Variants in FAM174B observed in about 807,000 individuals in gnomAD.
The protein encoded by FAM174B is membrane protein FAM174B.
A neutral mutation model predicts 10.9 loss-of-function variants in FAM174B; 12 were observed. The observed-to-expected ratio is 1.10, with a 90% CI of 0.71 to 1.79. The LOEUF (loss-of-function observed/expected upper bound fraction) is 1.79, where lower values mean the gene tolerates loss of function less well. Among genes scored for constraint, FAM174B ranks in the 40% most tolerant of loss-of-function variants. The probability of loss-of-function intolerance (pLI) is 0.00; values close to 1 mark genes in which losing one functional copy is unlikely to be tolerated. For missense variants in FAM174B, 266 were observed against 233.3 expected (o/e 1.14, Z -0.91); for synonymous variants, 132 against 115.8 (o/e 1.14, Z -0.90).
chr15:92,624,682 G>A (rs1251788075), intron 2 of FAM174B, among the ~76,000 whole-genome samples: 1 of 152,238 alleles, frequency 6.6e-6, no homozygotes, highest in African/African-American at 2.4e-5. Context: ...CTACCCACAA[G>A]AGGGTGGGAA....
intron 1 of FAM174B, among the ~76,000 whole-genome samples, chr15:92,633,161 C>T (rs148914049): frequency 4.0e-4 from 61 of 152,320 alleles, no homozygotes; most frequent in African/African-American, 1.4e-3. Context: ...GTTCCCTACA[C>T]ATTCTTCTTG....
At chr15:92,650,239 G>A (rs1040823983) in intron 1 of FAM174B, among the ~76,000 whole-genome samples, 1 of 152,228 alleles carries the variant, frequency 6.6e-6, no homozygotes, top group Middle Eastern at 3.4e-3. Flanking sequence ...GAAAGTTCTC[G>A]TTCCTTTTCA....
intron 1 of FAM174B, among the ~76,000 whole-genome samples, chr15:92,649,315 C>T (rs1039784861): frequency 6.6e-6 from 1 of 152,158 alleles, no homozygotes; most frequent in East Asian, 1.9e-4. Flanking sequence ...AGTCATGAGG[C>T]GCCTCCTTCA....
chr15:92,617,959 C>T lies in FAM174B; in HGVS notation c.*1497G>A, dbSNP rs934468970. On this transcript the variant is annotated 3_prime_UTR_variant, in exon 3 of 3. Transcript: ENST00000327355. ...CGGGCTCTGCTCTTTCCTGCAGAGG[C>T]GAAACTGCCTTCCTGGCAGGCGGAG... 8.2e-6 allele frequency: 3 copies of T among 367,138 alleles called. No homozygotes were observed. Among genetic ancestry groups the T allele is most frequent in the African/African-American group, 2.1e-5 (1 of 47,950 alleles). 22.7% of individuals were successfully genotyped at this position (367,138 alleles called of 1,614,324 possible). A position where few individuals can be genotyped will look rare whatever the true frequency, so the allele number is the denominator to read the frequency against.
In FAM174B at chr15:92,619,225, G is replaced by A. The variant is rs1204653814; in HGVS notation, c.*231C>T. 5 of 704,602 alleles carry A rather than the reference G, an allele frequency of 7.1e-6. No individual in the cohort carries two copies. The South Asian group carries it at 7.4e-5, about 10-fold the overall frequency. 43.6% of individuals were successfully genotyped at this position (704,602 alleles called of 1,614,324 possible). A position where few individuals can be genotyped will look rare whatever the true frequency, so the allele number is the denominator to read the frequency against. ...AGTAGAAGTAGGGGGCACTTTAAAG[G>A]GATGCCCAAAGGGTGGCAGAAGCAA... On this transcript the variant is annotated 3_prime_UTR_variant, in exon 3 of 3. Transcript: ENST00000327355.
intron 1 of FAM174B, among the ~76,000 whole-genome samples, chr15:92,630,687 T>C (rs2050787240): frequency 6.9e-6 from 1 of 144,718 alleles, no homozygotes; most frequent in South Asian, 2.1e-4. Flanking sequence ...ATGCAATATA[T>C]ATTTTATATA....
At chr15:92,634,110 T>G (rs2050837404) in intron 1 of FAM174B, among the ~76,000 whole-genome samples, 1 of 152,216 alleles carries the variant, frequency 6.6e-6, no homozygotes, top group Non-Finnish European at 1.5e-5. Context: ...GCTGTCCATT[T>G]CTGACACACA....
intron 1 of FAM174B, among the ~76,000 whole-genome samples, chr15:92,643,167 C>G (rs558286411): frequency 1.3e-5 from 2 of 150,888 alleles, no homozygotes; most frequent in East Asian, 3.9e-4. Flanking sequence ...TGGGGTCTGG[C>G]TATGTTGACC....
chr15:92,627,954 T>C (rs574290340), intron 2 of FAM174B, among the ~76,000 whole-genome samples: 138 of 152,282 alleles, frequency 9.1e-4, no homozygotes, highest in African/African-American at 3.2e-3. Flanking sequence ...CCTCAGAGAA[T>C]TGGTTCCAAG....
At chr15:92,623,229 G>A (rs943643336) in intron 2 of FAM174B, among the ~76,000 whole-genome samples, 14 of 151,962 alleles carry the variant, frequency 9.2e-5, no homozygotes, top group Non-Finnish European at 1.6e-4. Flanking sequence ...CGAGGGCAGG[G>A]CCAGGCTTAC....
In FAM174B at chr15:92,617,888, C is replaced by G. The variant is rs1468367957; in HGVS notation, c.*1568G>C. The G allele has an allele frequency of 2.2e-6, 1 of 452,618 alleles. No individual in the cohort carries two copies. Among genetic ancestry groups the G allele is most frequent in the Non-Finnish European group, 3.9e-6 (1 of 258,578 alleles). 28.0% of individuals were successfully genotyped at this position (452,618 alleles called of 1,614,324 possible). On this transcript the variant is annotated 3_prime_UTR_variant, in exon 3 of 3. Coordinates refer to ENST00000327355, the MANE Select transcript of FAM174B (RefSeq NM_207446.3). ...CGCAGGCCCCCCGTGGCTGGCAATA[C>G]CATGCGTGCTGGGCCGGCTGCGCCA...
chr15:92,632,276 G>A (rs1331187582), intron 1 of FAM174B, among the ~76,000 whole-genome samples: 1 of 152,170 alleles, frequency 6.6e-6, no homozygotes, highest in Non-Finnish European at 1.5e-5. Context: ...CGGGTGCGGT[G>A]GCTCACGCCT....
At chr15:92,626,139 A>ACGGAGTCTCGCTGTTTCAC (rs373252541) in intron 2 of FAM174B, among the ~76,000 whole-genome samples, 1 of 137,398 alleles carries the variant, frequency 7.3e-6, no homozygotes. Flanking sequence ...TTTTTTTGAG[A>ACGGAGTCTCGCTGTTTCAC]CCAGGCCGGA....
chr15:92,639,714 G>C (rs1332385250), intron 1 of FAM174B, among the ~76,000 whole-genome samples: 1 of 152,058 alleles, frequency 6.6e-6, no homozygotes, highest in Non-Finnish European at 1.5e-5. Context: ...GAGTGGGTGA[G>C]TGCCTGAGAG....
chr15:92,618,352 A>T lies in FAM174B; in HGVS notation c.*1104T>A, dbSNP rs994691869. On this transcript the variant is annotated 3_prime_UTR_variant, in exon 3 of 3. Transcript: ENST00000327355. Reference sequence around the variant, plus strand: ...CCCTGTCTCCAGAAGCCAGCAGCAGATCCCTGGGTCATGTCACAGGCAAGT... The same window carrying T: ...CCCTGTCTCCAGAAGCCAGCAGCAGTTCCCTGGGTCATGTCACAGGCAAGT... 4 of 152,636 alleles carry T rather than the reference A, an allele frequency of 2.6e-5. No homozygotes were observed. The highest frequency in any genetic ancestry group is 4.4e-5 in the Non-Finnish European group (3 of 68,276). The allele number at this position is 152,636 out of a possible 1,614,324, so 9.5% of individuals were successfully genotyped here. A position where few individuals can be genotyped will look rare whatever the true frequency, so the allele number is the denominator to read the frequency against.
In FAM174B at chr15:92,617,999, A is replaced by G. The variant is rs1251661034; in HGVS notation, c.*1457T>C. 1 of 320,762 alleles carries G rather than the reference A, an allele frequency of 3.1e-6. No individual in the cohort carries two copies. The highest frequency in any genetic ancestry group is 5.6e-6 in the Non-Finnish European group (1 of 177,032). 19.9% of individuals were successfully genotyped at this position (320,762 alleles called of 1,614,324 possible). A position where few individuals can be genotyped will look rare whatever the true frequency, so the allele number is the denominator to read the frequency against. ...GGCAGGCGGAGGCTGCCGAGCTCCC[A>G]TGCCCCTTCCCACATATCCCAACTC... On this transcript the variant is annotated 3_prime_UTR_variant, in exon 3 of 3. Coordinates refer to ENST00000327355, the MANE Select transcript of FAM174B (RefSeq NM_207446.3).
At chr15:92,638,512 C>T (rs2050870279) in intron 1 of FAM174B, among the ~76,000 whole-genome samples, 1 of 152,176 alleles carries the variant, frequency 6.6e-6, no homozygotes, top group Non-Finnish European at 1.5e-5. Flanking sequence ...GAGAATAAAA[C>T]AGGACTAAAC....
chr15:92,655,274 C>T, intron 1 of FAM174B, 42 bp downstream of exon 1: 1 of 1,495,228 alleles, frequency 6.7e-7, no homozygotes, highest in Non-Finnish European at 8.9e-7. Context: ...GCGATGCCGC[C>T]CTGTCGGCCG....
At chr15:92,649,590 C>T (rs931382245) in intron 1 of FAM174B, among the ~76,000 whole-genome samples, 1 of 152,106 alleles carries the variant, frequency 6.6e-6, no homozygotes, top group South Asian at 2.1e-4. Flanking sequence ...CTGCAATAGC[C>T]CTTGGAAGCA....
Sources: gnomAD v4.1 joint callset for allele counts (sites outside exome capture counted in the v4.1 genomes callset) on GRCh38, gnomAD v4.1.1 for gene constraint, MANE v1.5 for transcripts, NCBI Gene and HGNC (gene_info 2026-07-23, HGNC 2026-07-21) for gene names.